Variants in LIPA observed in about 807,000 individuals in gnomAD.
LIPA encodes lysosomal acid lipase/cholesteryl ester hydrolase.
LIPA carries 26 observed loss-of-function variants against 40.6 expected under a neutral mutation model. That is an observed-to-expected ratio of 0.64 (90% CI 0.47 to 0.89). The LOEUF is 0.89. Among genes scored for constraint, LIPA ranks in the 40% least tolerant of loss-of-function variants. LIPA has a pLI of 0.00. For synonymous variants in LIPA, 188 were observed against 168.4 expected (o/e 1.12, Z -0.90); for missense variants, 455 against 479.6 (o/e 0.95, Z 0.48).
intron 2 of LIPA, among the ~76,000 whole-genome samples, chr10:89,373,761 C>G (rs1047069594): frequency 6.6e-6 from 1 of 152,188 alleles, no homozygotes; most frequent in Non-Finnish European, 1.5e-5. Flanking sequence ...ATCTGTGAAA[C>G]TTTAATGTAC....
chr10:89,359,464 T>C (rs1044457777), intron 2 of LIPA, among the ~76,000 whole-genome samples: 1 of 152,232 alleles, frequency 6.6e-6, no homozygotes, highest in Non-Finnish European at 1.5e-5. Flanking sequence ...ATCCTAGTGC[T>C]ACACATGGGG....
intron 1 of LIPA, chr10:89,306,070 A>G: frequency 6.2e-7 from 1 of 1,614,128 alleles, no homozygotes; most frequent in Non-Finnish European, 8.5e-7. Context: ...AAGACAAAGT[A>G]TTTTACCGGA....
chr10:89,353,251 G>A (rs1843969524), intron 2 of LIPA, among the ~76,000 whole-genome samples: 1 of 152,220 alleles, frequency 6.6e-6, no homozygotes. Context: ...TCAGGAGTTG[G>A]ACAAGTGGGC....
chr10:89,301,533 A>G (rs769652532), intron 1 of LIPA, among the ~76,000 whole-genome samples: 1 of 152,212 alleles, frequency 6.6e-6, no homozygotes, highest in African/African-American at 2.4e-5. Flanking sequence ...CTTCTAACTC[A>G]CTACGCAGCT....
chr10:89,345,309 G>GCCT (rs1180133222), upstream of LIPA, among the ~76,000 whole-genome samples: 10 of 151,040 alleles, frequency 6.6e-5, no homozygotes, highest in Admixed American at 6.6e-4. Context: ...TGAGCAGATT[G>GCCT]CCTGAGGTCA....
At chr10:89,280,505 C>T (rs1041961604) in intron 1 of LIPA, among the ~76,000 whole-genome samples, 7 of 152,322 alleles carry the variant, frequency 4.6e-5, no homozygotes, top group African/African-American at 1.2e-4. Flanking sequence ...CTCAGAGTGA[C>T]GGTCTCTCCT....
chr10:89,304,040 G>C (rs1001122810), intron 1 of LIPA, among the ~76,000 whole-genome samples: 3 of 152,156 alleles, frequency 2.0e-5, no homozygotes, highest in Admixed American at 6.5e-5. Flanking sequence ...CCTACCCATG[G>C]TCCTGTGAAG....
At chr10:89,359,148 G>C (rs1844005377) in intron 2 of LIPA, among the ~76,000 whole-genome samples, 1 of 152,132 alleles carries the variant, frequency 6.6e-6, no homozygotes, top group Non-Finnish European at 1.5e-5. Flanking sequence ...CCGTGATCTT[G>C]GGCCTCTGAG....
At chr10:89,300,269 G>C (rs1010366291) in intron 1 of LIPA, among the ~76,000 whole-genome samples, 1 of 152,188 alleles carries the variant, frequency 6.6e-6, no homozygotes, top group Admixed American at 6.5e-5. Flanking sequence ...GACTGGGAAG[G>C]GGGGTGGTGG....
At chr10:89,343,299 G>A (rs1379421300), upstream of LIPA, among the ~76,000 whole-genome samples, 2 of 152,180 alleles carry the variant, frequency 1.3e-5, no homozygotes, top group Non-Finnish European at 2.9e-5. Flanking sequence ...TGATCTAATG[G>A]TAATAGACTG....
intron 2 of LIPA, among the ~76,000 whole-genome samples, chr10:89,382,443 G>A (rs1021243361): frequency 5.3e-5 from 8 of 152,266 alleles, no homozygotes; most frequent in Admixed American, 1.3e-4. Flanking sequence ...TCAGAGGAGC[G>A]TGAACTATTG....
rs114416580 is a variant in LIPA, at chr10:89,215,092, G to A, written c.967-31C>T. ...ATGAAAAGGAACCAGAGAAAGCCTC[G>A]TTGTTGTTGTTGTTTTAATTTTCAA... On this transcript the variant is annotated intron_variant, in intron 9 of 9. Coordinates refer to ENST00000336233, the MANE Select transcript of LIPA (RefSeq NM_000235.4). 7.1e-4 allele frequency: 1,027 copies of A among 1,448,084 alleles called. 4 individuals are homozygous for A. In the African/African-American group the frequency reaches 0.012, roughly 17 times the overall value. The allele number at this position is 1,448,084 out of a possible 1,614,324, so 89.7% of individuals were successfully genotyped here.
intron 2 of LIPA, among the ~76,000 whole-genome samples, chr10:89,358,989 C>T (rs1333789372): frequency 1.3e-5 from 2 of 152,186 alleles, no homozygotes; most frequent in Non-Finnish European, 1.5e-5. Flanking sequence ...TTGATGATTA[C>T]ACACTGTATA....
At chr10:89,306,368 C>G in intron 1 of LIPA, 1 of 1,614,104 alleles carries the variant, frequency 6.2e-7, no homozygotes, top group Non-Finnish European at 8.5e-7. Flanking sequence ...GAGTCCAGAG[C>G]TTGACTGTGA....
intron 1 of LIPA, among the ~76,000 whole-genome samples, chr10:89,271,449 C>T (rs928979696): frequency 6.6e-6 from 1 of 152,132 alleles, no homozygotes; most frequent in African/African-American, 2.4e-5. Flanking sequence ...ACTCCTTATG[C>T]TAATTAACCA....
chr10:89,403,721 A>G, intron 2 of LIPA: 1 of 1,431,068 alleles, frequency 7.0e-7, no homozygotes, highest in Non-Finnish European at 9.6e-7. Flanking sequence ...AGGCACCCAG[A>G]TATCAGCCAC....
Position 89,213,684 on chromosome 10 carries a change from C to T in LIPA, c.*1144G>A, listed in dbSNP as rs1254587279. The T allele has an allele frequency of 6.6e-6, 1 of 152,206 alleles. No homozygotes were observed. The highest frequency in any genetic ancestry group is 2.4e-5 in the African/African-American group (1 of 41,438). 9.4% of individuals were successfully genotyped at this position (152,206 alleles called of 1,614,324 possible). A position where few individuals can be genotyped will look rare whatever the true frequency, so the allele number is the denominator to read the frequency against. The stretch of plus-strand genomic sequence containing the variant: ...ATTAACAAGCATTGTACTGTTAGTG[C>T]AGCTAAAGTAATTATATCAGAAAAA... On this transcript the variant is annotated 3_prime_UTR_variant, in exon 10 of 10. Transcript: ENST00000336233.
intron 2 of LIPA, among the ~76,000 whole-genome samples, chr10:89,394,173 T>TGTGCAGCATGTTACC (rs1364684634): frequency 6.6e-6 from 1 of 152,206 alleles, no homozygotes; most frequent in East Asian, 1.9e-4. Context: ...AGCATGTTAC[T>TGTGCAGCATGTTACC]GTACTGAATA....
At chr10:89,339,150 A>G (rs1443879195) in intron 1 of LIPA, 1 of 1,614,152 alleles carries the variant, frequency 6.2e-7, no homozygotes, top group Non-Finnish European at 8.5e-7. Context: ...CTCTGGAAGA[A>G]AAGCCCAACA....
Sources: gnomAD v4.1 joint callset for allele counts (sites outside exome capture counted in the v4.1 genomes callset) on GRCh38, gnomAD v4.1.1 for gene constraint, MANE v1.5 for transcripts, NCBI Gene and HGNC (gene_info 2026-07-23, HGNC 2026-07-21) for gene names.